KIAA1549L: variants seen among roughly 807,000 people sequenced by gnomAD.
The protein encoded by KIAA1549L is KIAA1549 like, also known as UPF0606 protein KIAA1549L.
Under a neutral mutation model 160.7 loss-of-function variants are expected in KIAA1549L, and 88 were observed. The observed-to-expected ratio is 0.55, with a 90% CI of 0.46 to 0.65. The LOEUF is 0.65. KIAA1549L is among the 30% of genes least tolerant of loss of function. KIAA1549L has a pLI of 0.00. For synonymous variants in KIAA1549L, 950 were observed against 976.7 expected (o/e 0.97, Z 0.51); for missense variants, 2,258 against 2,437.5 (o/e 0.93, Z 1.55).
chr11:33,582,277 G>A (rs1855670272), intron 10 of KIAA1549L, among the ~76,000 whole-genome samples: 1 of 152,188 alleles, frequency 6.6e-6, no homozygotes, highest in Admixed American at 6.5e-5. Context: ...CTTGGCTAAT[G>A]AGGAACCACT....
chr11:33,529,201 C>T (rs969546082), intron 1 of KIAA1549L, among the ~76,000 whole-genome samples: 5 of 151,994 alleles, frequency 3.3e-5, no homozygotes, highest in South Asian at 2.1e-4. Flanking sequence ...ACGAGTGTGG[C>T]GGTATGTCCC....
intron 1 of KIAA1549L, among the ~76,000 whole-genome samples, chr11:33,426,230 T>C (rs1851112762): frequency 6.6e-6 from 1 of 152,236 alleles, no homozygotes; most frequent in Admixed American, 6.5e-5. Flanking sequence ...GTGAAGCGTA[T>C]TGAACTCTCT....
chr11:33,595,836 G>T (rs536353473), intron 12 of KIAA1549L, among the ~76,000 whole-genome samples: 14 of 152,236 alleles, frequency 9.2e-5, no homozygotes, highest in African/African-American at 2.9e-4. Context: ...CCGGTGGTTT[G>T]ATGGTTAAGA....
intron 1 of KIAA1549L, among the ~76,000 whole-genome samples, chr11:33,423,119 A>T (rs1851052170): frequency 6.6e-6 from 1 of 152,220 alleles, no homozygotes; most frequent in Non-Finnish European, 1.5e-5. Context: ...TTTCATGGGA[A>T]ATGTGTATAT....
At chr11:33,580,009 CTG>C (rs1855581152) in intron 10 of KIAA1549L, among the ~76,000 whole-genome samples, 1 of 152,164 alleles carries the variant, frequency 6.6e-6, no homozygotes, top group Admixed American at 6.5e-5. Context: ...TTTCTGCATT[CTG>C]TGTGTTCCAG....
At chr11:33,597,082 G>A (rs1199479602) in intron 12 of KIAA1549L, among the ~76,000 whole-genome samples, 2 of 152,138 alleles carry the variant, frequency 1.3e-5, no homozygotes, top group Non-Finnish European at 2.9e-5. Flanking sequence ...GATTGTGACC[G>A]AATAAATTTG....
intron 1 of KIAA1549L, among the ~76,000 whole-genome samples, chr11:33,477,705 G>A (rs1015236927): frequency 6.6e-6 from 1 of 152,190 alleles, no homozygotes; most frequent in Non-Finnish European, 1.5e-5. Context: ...CTCCCCTCTT[G>A]GGATTGTCAG....
At chr11:33,465,286 T>G (rs1447806631) in intron 1 of KIAA1549L, among the ~76,000 whole-genome samples, 1 of 152,074 alleles carries the variant, frequency 6.6e-6, no homozygotes, top group Non-Finnish European at 1.5e-5. Flanking sequence ...ACTCCTGATC[T>G]CAAGTGATCC....
chr11:33,626,247 T>C (rs1851109720), intron 16 of KIAA1549L, among the ~76,000 whole-genome samples: 1 of 141,296 alleles, frequency 7.1e-6, no homozygotes, highest in African/African-American at 2.8e-5. Flanking sequence ...ATGCGGGCTC[T>C]TTTTTGGTTC....
rs1489088231 is a variant in KIAA1549L at position 33,671,621 on chromosome 11, A to C, written c.*3467A>C. 9.7e-6 allele frequency: 1 copy of C among 103,586 alleles called. No homozygotes were observed. Among genetic ancestry groups the C allele is most frequent in the African/African-American group, 3.3e-5 (1 of 30,146 alleles). The allele number at this position is 103,586 out of a possible 1,614,324, so 6.4% of individuals were successfully genotyped here. A position where few individuals can be genotyped will look rare whatever the true frequency, so the allele number is the denominator to read the frequency against. On this transcript the variant is annotated 3_prime_UTR_variant, in exon 21 of 21. Coordinates refer to ENST00000658780, the MANE Select transcript of KIAA1549L (RefSeq NM_012194.3). The stretch of plus-strand genomic sequence containing the variant: ...ACACACACACACACACACACACCCT[A>C]CTTCGGAGAGAGAATGTAGAATGGA...
intron 1 of KIAA1549L, among the ~76,000 whole-genome samples, chr11:33,451,252 A>AT (rs1457907347): frequency 1.3e-5 from 2 of 152,168 alleles, no homozygotes; most frequent in East Asian, 3.9e-4. Flanking sequence ...GAAGACATGA[A>AT]TTTTTCCTGG....
chr11:33,523,304 CTT>C (rs890413025), intron 1 of KIAA1549L, among the ~76,000 whole-genome samples: 8 of 152,162 alleles, frequency 5.3e-5, no homozygotes, highest in Non-Finnish European at 8.8e-5. Context: ...TTAAATAAAA[CTT>C]TCGTTTACCA....
rs1036205125 is a variant in KIAA1549L at position 33,541,821 on chromosome 11, G to A, written c.258G>A (p.Met86Ile). ...TCACAGGAACAGACAATCTACAGAT[G>A]AATGTCACCCGGACTCCAGAGTCAT... ...QADPGTDNLQ[M>I]NVTRTPESFP... Residue 86 changes from methionine to isoleucine, a missense_variant, in exon 2 of 21, where the codon ATG becomes ATA. By Grantham distance (10) the Met-to-Ile change is conservative. This residue lies in a region of KIAA1549L where 540 missense variants were observed against 465.7 expected (regional missense o/e 1.16). Transcript: ENST00000658780. 3.5e-6 allele frequency: 1 copy of A among 288,424 alleles called. No homozygotes were observed. Among genetic ancestry groups the A allele is most frequent in the African/African-American group, 2.2e-5 (1 of 45,906 alleles). The allele number at this position is 288,424 out of a possible 1,614,324, so 17.9% of individuals were successfully genotyped here.
At chr11:33,415,928 G>T (rs1026756578) in intron 1 of KIAA1549L, among the ~76,000 whole-genome samples, 3 of 151,924 alleles carry the variant, frequency 2.0e-5, no homozygotes, top group Non-Finnish European at 2.9e-5. Context: ...CTGCCTCCTG[G>T]ATTCAAGCGG....
intron 1 of KIAA1549L, among the ~76,000 whole-genome samples, chr11:33,530,425 AAAAAAAAAAAAATATATATATAT>A (rs1272651534): frequency 2.0e-4 from 8 of 39,544 alleles, no homozygotes; most frequent in African/African-American, 4.4e-4. Flanking sequence ...AAAAAAAAAA[AAAAAAAAAAAAATATATATATAT>A]ATATATATAT....
At chr11:33,643,767 G>A (rs1265496013) in intron 16 of KIAA1549L, among the ~76,000 whole-genome samples, 1 of 152,188 alleles carries the variant, frequency 6.6e-6, no homozygotes, top group Non-Finnish European at 1.5e-5. Context: ...TGAGTTTAAT[G>A]ATCTCCTAAA....
intron 16 of KIAA1549L, among the ~76,000 whole-genome samples, chr11:33,630,961 G>A (rs532073933): frequency 1.8e-4 from 28 of 152,318 alleles, no homozygotes; most frequent in Non-Finnish European, 3.7e-4. Flanking sequence ...TTTCGTGCAT[G>A]GCCAGGTAAT....
At chr11:33,472,275 C>CTTTTT (rs76771436) in intron 1 of KIAA1549L, among the ~76,000 whole-genome samples, 5 of 102,760 alleles carry the variant, frequency 4.9e-5, no homozygotes, top group Admixed American at 1.0e-4. Context: ...TCATGCCTGG[C>CTTTTT]TTTTTTTTTT....
chr11:33,514,424 C>T lies in KIAA1549L; in HGVS notation c.239-27378C>T, dbSNP rs191956482. Among the ~76,000 whole-genome samples, 101 of 152,288 alleles carry T rather than the reference C, an allele frequency of 6.6e-4. No homozygotes were observed. The South Asian group carries it at 0.016, about 24-fold the overall frequency. On this transcript the variant is annotated intron_variant, in intron 1 of 20. Coordinates refer to ENST00000658780, the MANE Select transcript of KIAA1549L (RefSeq NM_012194.3). ...ACTGACTCATGCTTGGTGACATCTC[C>T]ACAGGGTTTTCCATCAACATTTTCA...
Sources: gnomAD v4.1 joint callset for allele counts (sites outside exome capture counted in the v4.1 genomes callset) on GRCh38, gnomAD v4.1.1 for gene constraint, gnomAD v4.1.1 regional missense constraint, MANE v1.5 for transcripts, NCBI Gene and HGNC (gene_info 2026-07-23, HGNC 2026-07-21) for gene names.